The following COBLL1 variants were observed in gnomAD, a reference collection of about 807,000 sequenced individuals.
COBLL1 encodes the protein cordon-bleu protein-like 1.
COBLL1 carries 50 observed loss-of-function variants against 94.8 expected under a neutral mutation model. The observed-to-expected ratio is 0.53, with a 90% CI of 0.42 to 0.67. COBLL1 has a LOEUF of 0.67. Ranked by LOEUF, COBLL1 falls within the 30% of genes least tolerant of loss-of-function variation. COBLL1 has a pLI of 0.00. For missense variants in COBLL1, 1,362 were observed against 1,348.7 expected (o/e 1.01, Z -0.15); for synonymous variants, 448 against 473.8 (o/e 0.95, Z 0.71).
In COBLL1 at chr2:164,818,769, C is replaced by CATATATATAT. The variant is rs752386836; in HGVS notation, c.41+22377_41+22386dup. On this transcript the variant is annotated intron_variant, in intron 2 of 13. Coordinates refer to ENST00000652658, the MANE Select transcript of COBLL1 (RefSeq NM_001365672.2). ...TAGTATATATATGTACTTATGTAAA[C>CATATATATAT]ATATATATATATACATATAATTTTT... is the stretch of plus-strand genomic sequence containing the variant. Among the ~76,000 whole-genome samples, 984 of 139,416 alleles carry CATATATATAT rather than the reference C, an allele frequency of 7.1e-3. 7 individuals are homozygous for CATATATATAT. Among genetic ancestry groups the CATATATATAT allele is most frequent in the African/African-American group, 0.024 (900 of 37,308 alleles). 91.5% of individuals were successfully genotyped at this position (139,416 alleles called of 152,430 possible).
At chr2:164,751,807 G>T (rs1687139543) in intron 2 of COBLL1, among the ~76,000 whole-genome samples, 1 of 152,028 alleles carries the variant, frequency 6.6e-6, no homozygotes, top group African/African-American at 2.4e-5. Context: ...TTTCCTATTT[G>T]GGGAAGGGAT....
At chr2:164,750,481 C>A (rs2105583412) in intron 2 of COBLL1, among the ~76,000 whole-genome samples, 3 of 152,302 alleles carry the variant, frequency 2.0e-5, no homozygotes, top group Admixed American at 2.0e-4. Context: ...TTCACCAGCT[C>A]CCTGCTACCA....
intron 2 of COBLL1, among the ~76,000 whole-genome samples, chr2:164,746,676 T>C (rs1048047606): frequency 1.3e-5 from 2 of 151,992 alleles, no homozygotes; most frequent in East Asian, 1.9e-4. Context: ...CACAATAAAG[T>C]TGAAAAATCA....
chr2:164,752,899 T>G (rs1687198909), intron 2 of COBLL1, among the ~76,000 whole-genome samples: 1 of 152,230 alleles, frequency 6.6e-6, no homozygotes, highest in African/African-American at 2.4e-5. Context: ...TTGAACAAGA[T>G]GATCCCATGC....
At chr2:164,836,923 G>C (rs927443458) in intron 2 of COBLL1, among the ~76,000 whole-genome samples, 2 of 152,194 alleles carry the variant, frequency 1.3e-5, no homozygotes, top group East Asian at 1.9e-4. Flanking sequence ...CCAAGAATTC[G>C]TGTGAAAGTA....
chr2:164,702,558 C>CAAAAAAAAA (rs56011410), intron 9 of COBLL1, among the ~76,000 whole-genome samples: 48 of 82,060 alleles, frequency 5.8e-4, no homozygotes, highest in African/African-American at 1.8e-3. Context: ...TGAGACTCCT[C>CAAAAAAAAA]AAAAAAAAAA....
At chr2:164,808,094 A>C (rs1414835348) in intron 2 of COBLL1, among the ~76,000 whole-genome samples, 1 of 152,168 alleles carries the variant, frequency 6.6e-6, no homozygotes, top group Admixed American at 6.5e-5. Context: ...TGCTGGGATT[A>C]CAGCCATGAT....
chr2:164,818,823 C>T (rs1452749612), intron 2 of COBLL1, among the ~76,000 whole-genome samples: 2 of 149,826 alleles, frequency 1.3e-5, no homozygotes, highest in Non-Finnish European at 3.0e-5. Flanking sequence ...TCACTCGGTG[C>T]TGTGGTGCAA....
chr2:164,831,270 T>G (rs1034541577), intron 2 of COBLL1, among the ~76,000 whole-genome samples: 2 of 152,000 alleles, frequency 1.3e-5, no homozygotes, highest in African/African-American at 4.8e-5. Flanking sequence ...TACAGTGAAC[T>G]GAGATCAAGC....
intron 2 of COBLL1, among the ~76,000 whole-genome samples, chr2:164,825,603 C>A (rs1402581943): frequency 6.6e-6 from 1 of 152,064 alleles, no homozygotes; most frequent in African/African-American, 2.4e-5. Flanking sequence ...CAACAAGCAG[C>A]GAATCCAGAA....
intron 2 of COBLL1, among the ~76,000 whole-genome samples, chr2:164,752,097 C>G (rs1327565730): frequency 6.6e-6 from 1 of 152,126 alleles, no homozygotes; most frequent in Non-Finnish European, 1.5e-5. Flanking sequence ...AGTGTCATGT[C>G]CCAACAGTAA....
chr2:164,673,863 A>T (rs1050208802), intron 1 of COBLL1, among the ~76,000 whole-genome samples: 14 of 152,140 alleles, frequency 9.2e-5, no homozygotes, highest in African/African-American at 1.4e-4. Flanking sequence ...CCAAATTTTT[A>T]AAAAATATCT....
At chr2:164,795,509 G>A (rs1025271985) in intron 2 of COBLL1, among the ~76,000 whole-genome samples, 1 of 152,010 alleles carries the variant, frequency 6.6e-6, no homozygotes, top group African/African-American at 2.4e-5. Flanking sequence ...TACTCCCAGA[G>A]TATCTAGATT....
intron 2 of COBLL1, among the ~76,000 whole-genome samples, chr2:164,814,888 C>A (rs1364799460): frequency 1.3e-5 from 2 of 152,162 alleles, no homozygotes; most frequent in Non-Finnish European, 2.9e-5. Context: ...TTATATGCAA[C>A]AAAGGAGGAG....
downstream of COBLL1, among the ~76,000 whole-genome samples, chr2:164,679,598 G>A (rs1682950782): frequency 1.3e-5 from 2 of 151,994 alleles, no homozygotes; most frequent in African/African-American, 4.8e-5. Flanking sequence ...TCTACCTCAA[G>A]GGACATGTAG....
At chr2:164,734,979 G>T (rs1686221891) in intron 3 of COBLL1, among the ~76,000 whole-genome samples, 1 of 152,182 alleles carries the variant, frequency 6.6e-6, no homozygotes, top group African/African-American at 2.4e-5. Context: ...ACTCTTGGGA[G>T]TTTACAATGA....
chr2:164,709,852 A>T (rs542974304), intron 7 of COBLL1, among the ~76,000 whole-genome samples: 1 of 152,370 alleles, frequency 6.6e-6, no homozygotes, highest in South Asian at 2.1e-4. Flanking sequence ...GTTAAAACTT[A>T]TTAAAGTTGA....
At chr2:164,731,409 T>C (rs1053198738) in intron 3 of COBLL1, among the ~76,000 whole-genome samples, 1 of 152,206 alleles carries the variant, frequency 6.6e-6, no homozygotes, top group African/African-American at 2.4e-5. Context: ...TCCCTTTCCA[T>C]AGATTCTCAT....
At chr2:164,737,579 T>C (rs1033988876) in intron 3 of COBLL1, among the ~76,000 whole-genome samples, 2 of 151,954 alleles carry the variant, frequency 1.3e-5, no homozygotes, top group East Asian at 3.9e-4. Flanking sequence ...TACCACCCTA[T>C]AGATTTTTGA....
Sources: allele counts gnomAD v4.1 joint callset (sites outside exome capture counted in the v4.1 genomes callset), GRCh38; gene constraint gnomAD v4.1.1; transcripts MANE v1.5; gene names NCBI Gene and HGNC (gene_info 2026-07-23, HGNC 2026-07-21).